NRF1: variants seen among roughly 807,000 people sequenced by gnomAD.
The protein encoded by NRF1 is alpha palindromic-binding protein.
NRF1 carries 5 observed loss-of-function variants against 58.5 expected under a neutral mutation model. That is an observed-to-expected ratio of 0.09 (90% CI 0.04 to 0.18). The LOEUF (loss-of-function observed/expected upper bound fraction) is 0.18, where lower values mean the gene tolerates loss of function less well. NRF1 is among the 10% of genes least tolerant of loss of function. NRF1 has a pLI of 1.00. For missense variants in NRF1, 288 were observed against 657.7 expected, an observed-to-expected ratio of 0.44 and a Z score of 6.15; for synonymous variants, 224 against 246.7, an observed-to-expected ratio of 0.91 and a Z score of 0.86.
At chr7:129,615,880 G>A (rs1394274738) in intron 1 of NRF1, among the ~76,000 whole-genome samples, 1 of 152,152 alleles carries the variant, frequency 6.6e-6, no homozygotes, top group Non-Finnish European at 1.5e-5. Flanking sequence ...TGAATTTCAG[G>A]TGTTTCCAGG....
At chr7:129,711,973 A>C (rs577924384) in intron 8 of NRF1, among the ~76,000 whole-genome samples, 1 of 152,342 alleles carries the variant, frequency 6.6e-6, no homozygotes, top group South Asian at 2.1e-4. Flanking sequence ...ATATGTTTGC[A>C]AGTCAGTAAC....
chr7:129,679,531 C>T (rs1802257303), intron 4 of NRF1, among the ~76,000 whole-genome samples: 1 of 152,222 alleles, frequency 6.6e-6, no homozygotes, highest in Admixed American at 6.5e-5. Context: ...ACCAGCCTGG[C>T]CAATATGGTG....
At chr7:129,673,543 T>C (rs555039902) in intron 3 of NRF1, among the ~76,000 whole-genome samples, 120 of 150,160 alleles carry the variant, frequency 8.0e-4, no homozygotes, top group Admixed American at 1.9e-3. Context: ...TGGTGAAACC[T>C]CGTCTCTACT....
At chr7:129,627,512 G>A (rs1800946403) in intron 1 of NRF1, among the ~76,000 whole-genome samples, 1 of 152,004 alleles carries the variant, frequency 6.6e-6, no homozygotes, top group African/African-American at 2.4e-5. Flanking sequence ...CAGCAAAAGT[G>A]CTTTTTTAAA....
chr7:129,680,893 G>A (rs1385844380), intron 4 of NRF1, among the ~76,000 whole-genome samples: 1 of 152,212 alleles, frequency 6.6e-6, no homozygotes, highest in Non-Finnish European at 1.5e-5. Flanking sequence ...GACCCTATGA[G>A]TATAAAGTCT....
At chr7:129,664,850 T>C (rs375289313) in intron 2 of NRF1, among the ~76,000 whole-genome samples, 5 of 152,344 alleles carry the variant, frequency 3.3e-5, no homozygotes, top group East Asian at 1.9e-4. Context: ...GTAGATACTA[T>C]GCACAAGGCA....
At chr7:129,616,445 G>A (rs560740625) in intron 1 of NRF1, among the ~76,000 whole-genome samples, 40 of 152,206 alleles carry the variant, frequency 2.6e-4, no homozygotes, top group Admixed American at 9.8e-4. Flanking sequence ...ACAAAAAAAC[G>A]AAAAACTAGC....
chr7:129,728,929 T>TG (rs1263582303), intron 10 of NRF1, among the ~76,000 whole-genome samples: 1 of 152,174 alleles, frequency 6.6e-6, no homozygotes, highest in Admixed American at 6.5e-5. Context: ...AAATGGACCA[T>TG]GGTTGGAATT....
In NRF1 at chr7:129,711,522, G is replaced by T; in HGVS notation, c.1011G>T (p.Leu337Phe). 1 of 1,612,788 alleles carries T rather than the reference G, an allele frequency of 6.2e-7. No homozygotes were observed. The highest frequency in any genetic ancestry group is 8.5e-7 in the Non-Finnish European group (1 of 1,179,452). Residue 337 changes from leucine (L) to phenylalanine (F), a missense_variant, in exon 8 of 11, where the codon TTG becomes TTT. Leu to Phe is a conservative substitution (Grantham distance 22). Coordinates refer to ENST00000393232, the MANE Select transcript of NRF1 (RefSeq NM_005011.5). The stretch of plus-strand genomic sequence containing the variant: ...CCACATTGGCTGATGCTTCAGAATT[G>T]CCAACCACGGTCACCGTTGCCCAAG... Reference protein sequence around the residue: ...TVATLADASELPTTVTVAQVN... With the variant: ...TVATLADASEFPTTVTVAQVN...
At chr7:129,685,420 A>G (rs1802420131) in intron 4 of NRF1, among the ~76,000 whole-genome samples, 2 of 152,102 alleles carry the variant, frequency 1.3e-5, no homozygotes, top group Non-Finnish European at 2.9e-5. Context: ...ATAAAACTCT[A>G]ATGGCTCCTG....
At chr7:129,687,638 A>C (rs901376775) in intron 4 of NRF1, among the ~76,000 whole-genome samples, 1 of 152,196 alleles carries the variant, frequency 6.6e-6, no homozygotes. Context: ...CAAGACTCAC[A>C]TTCTCTTCTG....
chr7:129,712,584 C>T (rs1803097937), intron 8 of NRF1, among the ~76,000 whole-genome samples: 1 of 152,210 alleles, frequency 6.6e-6, no homozygotes, highest in Non-Finnish European at 1.5e-5. Context: ...CCCTGTGTAG[C>T]TGCAGCTGTG....
chr7:129,665,107 A>G (rs1801889571), intron 2 of NRF1, among the ~76,000 whole-genome samples: 1 of 152,244 alleles, frequency 6.6e-6, no homozygotes, highest in Non-Finnish European at 1.5e-5. Context: ...ACTGACAGGC[A>G]GTTAGGTGTC....
chr7:129,689,678 T>C (rs1203405874), intron 4 of NRF1, among the ~76,000 whole-genome samples: 1 of 152,180 alleles, frequency 6.6e-6, no homozygotes, highest in Non-Finnish European at 1.5e-5. Context: ...TAACTGGCAG[T>C]AGTGGGAATG....
intron 5 of NRF1, among the ~76,000 whole-genome samples, chr7:129,699,395 T>G (rs554309092): frequency 3.5e-4 from 53 of 152,286 alleles, no homozygotes; most frequent in Middle Eastern, 6.8e-3. Context: ...ATTGGGTTTC[T>G]AGAGTTGGCA....
At chr7:129,683,035 G>A (rs944326526) in intron 4 of NRF1, among the ~76,000 whole-genome samples, 1 of 151,386 alleles carries the variant, frequency 6.6e-6, no homozygotes, top group Non-Finnish European at 1.5e-5. Context: ...AGTTCAAACA[G>A]TTCTCCTGCC....
At chr7:129,701,631 T>C (rs1290896911) in intron 5 of NRF1, among the ~76,000 whole-genome samples, 1 of 151,376 alleles carries the variant, frequency 6.6e-6, no homozygotes, top group Non-Finnish European at 1.5e-5. Flanking sequence ...GAGAGAAAAC[T>C]TGGTAATAAA....
At chr7:129,682,285 TTCA>T (rs1802333056) in intron 4 of NRF1, among the ~76,000 whole-genome samples, 1 of 151,800 alleles carries the variant, frequency 6.6e-6, no homozygotes, top group Non-Finnish European at 1.5e-5. Flanking sequence ...ATAATGAGAC[TTCA>T]TCTCTACAAA....
At chr7:129,719,358 C>T (rs1388338688) in intron 9 of NRF1, among the ~76,000 whole-genome samples, 1 of 152,132 alleles carries the variant, frequency 6.6e-6, no homozygotes, top group East Asian at 1.9e-4. Flanking sequence ...TCTCAAACTC[C>T]TAACCTCAGG....
Sources: gnomAD v4.1 joint callset for allele counts (sites outside exome capture counted in the v4.1 genomes callset) on GRCh38, gnomAD v4.1.1 for gene constraint, MANE v1.5 for transcripts, NCBI Gene and HGNC (gene_info 2026-07-23, HGNC 2026-07-21) for gene names.